XKR3: variants seen among roughly 807,000 people sequenced by gnomAD.
XKR3 encodes the protein XK-related protein 3.
A neutral mutation model predicts 40.3 loss-of-function variants in XKR3; 27 were observed. The ratio of observed to expected loss-of-function variants is 0.67; its 90% confidence interval spans 0.49 to 0.92. The LOEUF is 0.92. XKR3 is among the 40% of genes least tolerant of loss of function. The pLI, the probability that XKR3 is intolerant of heterozygous loss-of-function variation, is 0.00. For synonymous variants in XKR3, 193 were observed against 195.4 expected (o/e 0.99, Z 0.10); for missense variants, 472 against 537.6 (o/e 0.88, Z 1.21).
intron 1 of XKR3, among the ~76,000 whole-genome samples, chr22:16,818,701 C>G (rs2060243632): frequency 6.6e-6 from 1 of 152,148 alleles, no homozygotes; most frequent in South Asian, 2.1e-4. Flanking sequence ...AGCTAATCTT[C>G]TATTTCCCAA....
intron 1 of XKR3, among the ~76,000 whole-genome samples, chr22:16,822,725 T>C (rs1285142795): frequency 6.6e-6 from 1 of 152,214 alleles, no homozygotes; most frequent in Non-Finnish European, 1.5e-5. Flanking sequence ...GCTCAAGTTG[T>C]TCTGGTTAGC....
chr22:16,786,399 T>C (rs2060091237), intron 3 of XKR3, among the ~76,000 whole-genome samples: 1 of 152,146 alleles, frequency 6.6e-6, no homozygotes. Flanking sequence ...TCTTTATTTT[T>C]CTGTGCCTTC....
At chr22:16,821,477 A>C (rs1394858160) in intron 1 of XKR3, 1 of 152,124 alleles carries the variant, frequency 6.6e-6, no homozygotes, top group African/African-American at 2.4e-5. Context: ...ACACAAAGTG[A>C]ATTTGCTTTC....
intron 3 of XKR3, among the ~76,000 whole-genome samples, chr22:16,796,516 A>G (rs1292152714): frequency 4.6e-5 from 7 of 152,220 alleles, no homozygotes; most frequent in Admixed American, 1.3e-4. Flanking sequence ...CCACAATCAC[A>G]GTAGGCTTTC....
At chr22:16,801,902 T>C (rs2060170927) in intron 2 of XKR3, among the ~76,000 whole-genome samples, 1 of 152,222 alleles carries the variant, frequency 6.6e-6, no homozygotes, top group South Asian at 2.1e-4. Context: ...AAGAAAAGTA[T>C]GTGACTAAAT....
chr22:16,825,272 G>A lies in XKR3; in HGVS notation c.-11+19C>T, dbSNP rs1480299992. On this transcript the variant is annotated intron_variant, in intron 1 of 3. Coordinates refer to ENST00000684488, the MANE Select transcript of XKR3 (RefSeq NM_001386955.1). ...CTGAAGAAGCTGATCTGAGATGGTC[G>A]AGGGCTGCTCCTACTTACCTTGCCT... 2.6e-5 allele frequency among the ~76,000 whole-genome samples: 4 copies of A among 152,148 alleles called. No homozygotes were observed. Among genetic ancestry groups the A allele is most frequent in the South Asian group, 2.1e-4 (1 of 4,826 alleles).
At chr22:16,820,895 T>C (rs1170581454) in intron 1 of XKR3, among the ~76,000 whole-genome samples, 2 of 152,160 alleles carry the variant, frequency 1.3e-5, no homozygotes, top group Non-Finnish European at 2.9e-5. Flanking sequence ...CACGATCTCT[T>C]GTAAGTTATA....
At chr22:16,795,376 T>C (rs2060136104) in intron 3 of XKR3, among the ~76,000 whole-genome samples, 1 of 152,108 alleles carries the variant, frequency 6.6e-6, no homozygotes. Flanking sequence ...GGAAAAACTT[T>C]CCCAAATCTT....
At chr22:16,802,765 G>T (rs1161126567) in intron 2 of XKR3, among the ~76,000 whole-genome samples, 1 of 152,120 alleles carries the variant, frequency 6.6e-6, no homozygotes, top group Non-Finnish European at 1.5e-5. Context: ...TGGGATTACA[G>T]TCATGAGCCA....
intron 1 of XKR3, among the ~76,000 whole-genome samples, chr22:16,815,020 T>C (rs2060227406): frequency 6.6e-6 from 1 of 151,924 alleles, no homozygotes; most frequent in Non-Finnish European, 1.5e-5. Context: ...GCAGTGGACA[T>C]CCTAGCCTTA....
In XKR3 at chr22:16,783,922, T is replaced by A; in HGVS notation, c.1077A>T (p.Ile359=). 6.2e-7 allele frequency: 1 copy of A among 1,614,170 alleles called. No homozygotes were observed. Among genetic ancestry groups the A allele is most frequent in the Non-Finnish European group, 8.5e-7 (1 of 1,180,040 alleles). Residue 359 remains isoleucine, a synonymous_variant, in exon 4 of 4, where the codon ATA becomes ATT. Transcript: ENST00000684488. The part of the protein sequence containing the change: ...SFQFLENVIM[I]LVFRFFGGKT... ...TCCCTCCAAAGAACCTAAATACCAA[T>A]ATCATTATCACATTTTCTAAAAACT...
intron 3 of XKR3, among the ~76,000 whole-genome samples, chr22:16,788,817 A>G (rs2060102351): frequency 6.6e-6 from 1 of 152,138 alleles, no homozygotes. Flanking sequence ...GTGAGATTAC[A>G]GGAATACAGG....
Position 16,806,722 on chromosome 22 carries a change from G to A in XKR3, c.335+1017C>T, listed in dbSNP as rs1015991916. On this transcript the variant is annotated intron_variant, in intron 2 of 3. Transcript: ENST00000684488. ...CAAAGAGCTGGAATTACAGGGATGAGCCACCACACCCAACCTACAGTTAAG... is the reference window on the plus strand; with the variant it reads ...CAAAGAGCTGGAATTACAGGGATGAACCACCACACCCAACCTACAGTTAAG... Among the ~76,000 whole-genome samples, 6 of 152,032 alleles carry A rather than the reference G, an allele frequency of 3.9e-5. No individual in the cohort carries two copies. In the South Asian group the frequency reaches 1.2e-3, roughly 31 times the overall value.
At chr22:16,824,688 A>G (rs944705241) in intron 1 of XKR3, among the ~76,000 whole-genome samples, 12 of 152,150 alleles carry the variant, frequency 7.9e-5, no homozygotes, top group African/African-American at 2.9e-4. Context: ...CTCCCCAGCA[A>G]TCCATACATC....
chr22:16,799,363 G>C (rs1239227112), intron 3 of XKR3, among the ~76,000 whole-genome samples: 1 of 126,680 alleles, frequency 7.9e-6, no homozygotes, highest in Non-Finnish European at 1.6e-5. Flanking sequence ...GCAGTGGGCC[G>C]AGATCGGGCC....
chr22:16,815,618 AT>A (rs1196149525), intron 1 of XKR3, among the ~76,000 whole-genome samples: 5 of 152,018 alleles, frequency 3.3e-5, no homozygotes, highest in Non-Finnish European at 7.4e-5. Context: ...TAGAAGGTAT[AT>A]AGTGGTTAAG....
intron 1 of XKR3, among the ~76,000 whole-genome samples, 186 bp downstream of exon 1, chr22:16,825,105 A>T (rs1164164991): frequency 1.3e-5 from 2 of 152,174 alleles, no homozygotes; most frequent in African/African-American, 4.8e-5. Context: ...GTCCCACCCA[A>T]ATGCTAAGCA....
At chr22:16,815,536 A>G (rs5994025) in intron 1 of XKR3, among the ~76,000 whole-genome samples, 67,068 of 151,780 alleles carry the variant, frequency 0.44, 15,139 homozygotes, top group Non-Finnish European at 0.46. Flanking sequence ...GAAATTATCT[A>G]TCTAAAACTT....
At position 16,784,075 on chromosome 22, in the gene XKR3, G is replaced by A; in HGVS notation, c.924C>T (p.Phe308=). 1 of 1,614,138 alleles carries A rather than the reference G, an allele frequency of 6.2e-7. No homozygotes were observed. The highest frequency in any genetic ancestry group is 8.5e-7 in the Non-Finnish European group (1 of 1,180,026). The change falls in exon 4 of 4, where the codon TTC becomes TTT. Residue 308 remains phenylalanine, a synonymous_variant. Coordinates refer to ENST00000684488, the MANE Select transcript of XKR3 (RefSeq NM_001386955.1). ...TGGCAGCATATAGCAGTGTGATCAAGAAAAGCATCAGTACTGTACCCACCA... is the reference window on the plus strand; with the variant it reads ...TGGCAGCATATAGCAGTGTGATCAAAAAAAGCATCAGTACTGTACCCACCA... ...SNMVGTVLML[F]LITLLYAAIN...
Sources: allele counts gnomAD v4.1 joint callset (sites outside exome capture counted in the v4.1 genomes callset), GRCh38; gene constraint gnomAD v4.1.1; transcripts MANE v1.5; gene names NCBI Gene and HGNC (gene_info 2026-07-23, HGNC 2026-07-21).